CSMD3: variants seen among roughly 807,000 people sequenced by gnomAD.
The protein encoded by CSMD3 is CUB and Sushi multiple domains 3.
A neutral mutation model predicts 435.2 loss-of-function variants in CSMD3; 177 were observed. The ratio of observed to expected loss-of-function variants is 0.41; its 90% CI spans 0.36 to 0.46. CSMD3 has a LOEUF of 0.46. Among genes scored for constraint, CSMD3 ranks in the 20% least tolerant of loss-of-function variants. CSMD3 has a pLI of 0.34. For missense variants in CSMD3, 4,265 were observed against 4,504.6 expected (o/e 0.95, Z 1.52); for synonymous variants, 1,656 against 1,520.5 (o/e 1.09, Z -2.07).
chr8:112,718,557 A>G (rs2076787032), intron 13 of CSMD3, among the ~76,000 whole-genome samples: 1 of 151,082 alleles, frequency 6.6e-6, no homozygotes, highest in African/African-American at 2.4e-5. Context: ...TGATAGTAAT[A>G]TGCATAATAA....
chr8:112,660,339 A>G (rs184578004), intron 17 of CSMD3, among the ~76,000 whole-genome samples: 84 of 152,276 alleles, frequency 5.5e-4, no homozygotes, highest in African/African-American at 2.0e-3. Context: ...TGATTATTTT[A>G]TGTTGCTGCC....
At chr8:113,415,959 T>C (rs1432933942) in intron 1 of CSMD3, among the ~76,000 whole-genome samples, 1 of 152,124 alleles carries the variant, frequency 6.6e-6, no homozygotes, top group East Asian at 1.9e-4. Context: ...ACTCTTCATG[T>C]TTGCCAGTAT....
chr8:112,225,792 A>T (rs1812502266), intron 70 of CSMD3, among the ~76,000 whole-genome samples: 1 of 152,178 alleles, frequency 6.6e-6, no homozygotes, highest in Admixed American at 6.5e-5. Flanking sequence ...ACTACTAACA[A>T]TTAGTTAACC....
At position 113,077,744 on chromosome 8, in the gene CSMD3, T is replaced by C. The variant is rs181287507; in HGVS notation, c.917+21012A>G. ...ACAAAACTCTAAGATACACTTCCAA[T>C]TGAAGGAAGCTAACATTCAAGGTTT... On this transcript the variant is annotated intron_variant, in intron 5 of 70. Coordinates refer to ENST00000297405, the MANE Select transcript of CSMD3 (RefSeq NM_198123.2). Among the ~76,000 whole-genome samples the C allele has an allele frequency of 3.0e-4, 46 of 152,138 alleles. No homozygotes were observed. The East Asian group carries it at 7.9e-3, about 26-fold the overall frequency.
intron 1 of CSMD3, among the ~76,000 whole-genome samples, chr8:113,320,463 A>C (rs973798236): frequency 2.0e-5 from 3 of 152,070 alleles, no homozygotes; most frequent in African/African-American, 4.8e-5. Context: ...ATGATGTTTT[A>C]ATTTTTTTGA....
chr8:113,118,154 A>G (rs1225730551), intron 4 of CSMD3, among the ~76,000 whole-genome samples: 1 of 152,210 alleles, frequency 6.6e-6, no homozygotes, highest in Admixed American at 6.5e-5. Context: ...CTCGATTACA[A>G]TATCCCATTA....
chr8:112,308,119 T>C (rs927250923), intron 50 of CSMD3, among the ~76,000 whole-genome samples: 3 of 152,126 alleles, frequency 2.0e-5, no homozygotes, highest in Admixed American at 1.3e-4. Context: ...ACATATGCAA[T>C]CTCACATAAT....
intron 3 of CSMD3, among the ~76,000 whole-genome samples, chr8:113,214,608 T>G (rs1454750820): frequency 6.6e-6 from 1 of 151,914 alleles, no homozygotes; most frequent in Non-Finnish European, 1.5e-5. Context: ...ACTTTTACAT[T>G]CAGTAGCACT....
intron 12 of CSMD3, among the ~76,000 whole-genome samples, chr8:112,805,509 C>T (rs909549320): frequency 6.6e-6 from 1 of 152,112 alleles, no homozygotes; most frequent in African/African-American, 2.4e-5. Flanking sequence ...TATAAAGACA[C>T]TCACCCTGTA....
At chr8:113,073,096 C>T (rs1403594997) in intron 5 of CSMD3, among the ~76,000 whole-genome samples, 1 of 151,718 alleles carries the variant, frequency 6.6e-6, no homozygotes, top group Admixed American at 6.6e-5. Flanking sequence ...CCCGAATTTT[C>T]CTTTTTATGA....
chr8:112,415,468 GC>G, intron 32 of CSMD3, among the ~76,000 whole-genome samples: 1 of 152,202 alleles, frequency 6.6e-6, no homozygotes, highest in Non-Finnish European at 1.5e-5. Context: ...GCAGGGTGGA[GC>G]CATCATGAAG....
At chr8:112,226,937 C>G (rs1812623810) in intron 70 of CSMD3, among the ~76,000 whole-genome samples, 1 of 152,114 alleles carries the variant, frequency 6.6e-6, no homozygotes. Context: ...GTTGGTTAGG[C>G]TTTGGACAAA....
At chr8:112,297,808 A>G (rs569579506) in intron 53 of CSMD3, among the ~76,000 whole-genome samples, 1 of 152,068 alleles carries the variant, frequency 6.6e-6, no homozygotes, top group African/African-American at 2.4e-5. Context: ...ACAGCAAACA[A>G]TTGGAGAATG....
chr8:113,276,821 T>C (rs2093574560), intron 3 of CSMD3, among the ~76,000 whole-genome samples: 1 of 152,052 alleles, frequency 6.6e-6, no homozygotes, highest in Non-Finnish European at 1.5e-5. Flanking sequence ...ACTATCTGAA[T>C]GTCAAGTATC....
chr8:112,419,100 G>C (rs967842305), intron 32 of CSMD3, among the ~76,000 whole-genome samples: 1 of 152,128 alleles, frequency 6.6e-6, no homozygotes, highest in East Asian at 1.9e-4. Flanking sequence ...GTACTATCAA[G>C]TGAAACTTTT....
rs560688385 is a variant in CSMD3 at position 113,207,345 on chromosome 8, CT to C, written c.515-33430del. On this transcript the variant is annotated intron_variant, in intron 3 of 70. Transcript: ENST00000297405. ...AAGAATTTTTTCCCAAACTTCTGAT[CT>C]TTTTTTCTCCCGAAATATAATAAAC... Among the ~76,000 whole-genome samples, 390 of 149,962 alleles carry C rather than the reference CT, an allele frequency of 2.6e-3. 2 individuals are homozygous for C. Among genetic ancestry groups the C allele is most frequent in the African/African-American group, 9.0e-3 (370 of 40,964 alleles).
chr8:112,245,770 T>G (rs971711008), intron 64 of CSMD3, among the ~76,000 whole-genome samples: 1 of 152,156 alleles, frequency 6.6e-6, no homozygotes, highest in Admixed American at 6.5e-5. Context: ...ACTCCTGACC[T>G]CAAGTGATCT....
chr8:112,565,774 G>A (rs1829012432), intron 24 of CSMD3, among the ~76,000 whole-genome samples: 1 of 152,024 alleles, frequency 6.6e-6, no homozygotes, highest in South Asian at 2.1e-4. Flanking sequence ...ATTTGGCTCT[G>A]TAATAGATGG....
At chr8:112,528,039 G>T (rs1563662096) in intron 27 of CSMD3, among the ~76,000 whole-genome samples, 1 of 152,182 alleles carries the variant, frequency 6.6e-6, no homozygotes, top group African/African-American at 2.4e-5. Flanking sequence ...AAACATATTT[G>T]TGTCTTCTGG....
Sources: gnomAD v4.1 joint callset for allele counts (sites outside exome capture counted in the v4.1 genomes callset) on GRCh38, gnomAD v4.1.1 for gene constraint, MANE v1.5 for transcripts, NCBI Gene and HGNC (gene_info 2026-07-23, HGNC 2026-07-21) for gene names.